The following E2F7 variants were observed in gnomAD, a reference collection of about 807,000 sequenced individuals.
E2F7 encodes transcription factor E2F7.
In E2F7, 35 loss-of-function variants were observed where a neutral mutation model predicts 81.1. That is an observed-to-expected ratio of 0.43 (90% confidence interval 0.33 to 0.57). The LOEUF is 0.57. Among genes scored for constraint, E2F7 ranks in the 20% least tolerant of loss-of-function variants. The probability of loss-of-function intolerance (pLI) is 0.04; values close to 1 mark genes in which losing one functional copy is unlikely to be tolerated. For missense variants in E2F7, 961 were observed against 1,093.7 expected (o/e 0.88, Z 1.71); for synonymous variants, 416 against 416.2 (o/e 1.00, Z 0.01).
intron 4 of E2F7, among the ~76,000 whole-genome samples, chr12:77,047,315 G>A (rs149590031): frequency 4.2e-3 from 642 of 152,238 alleles, no homozygotes; most frequent in Admixed American, 6.3e-3. Context: ...ATAATAATGA[G>A]GATGAAATGT....
At chr12:77,046,747 A>G (rs1412753773) in intron 4 of E2F7, among the ~76,000 whole-genome samples, 1 of 152,226 alleles carries the variant, frequency 6.6e-6, no homozygotes, top group Non-Finnish European at 1.5e-5. Flanking sequence ...TATGCAGACT[A>G]CAAAATCAAC....
rs182535888 is a variant in E2F7, at chr12:77,042,920, A to C, written c.1123+145T>G. On this transcript the variant is annotated intron_variant, in intron 7 of 12. Coordinates refer to ENST00000322886, the MANE Select transcript of E2F7 (RefSeq NM_203394.3). ...CATGCACAATTTGTAGGCTAATGTTAACTGTTCCAAGAGTGGAGTCACTAG... is the reference window on the plus strand; with the variant it reads ...CATGCACAATTTGTAGGCTAATGTTCACTGTTCCAAGAGTGGAGTCACTAG... 5.2e-4 allele frequency: 660 copies of C among 1,276,632 alleles called. 4 individuals carry two copies. The African/African-American group carries it at 8.9e-3, about 17-fold the overall frequency. The allele number at this position is 1,276,632 out of a possible 1,614,324, so 79.1% of individuals were successfully genotyped here.
At chr12:77,029,497 C>A (rs936146609) in intron 10 of E2F7, among the ~76,000 whole-genome samples, 16 of 152,140 alleles carry the variant, frequency 1.1e-4, no homozygotes, top group Admixed American at 2.0e-4. Context: ...TTTCAGTGAT[C>A]CTAATTTGTT....
Position 77,023,994 on chromosome 12 carries a change from C to G in E2F7, c.*21G>C, listed in dbSNP as rs1354082547. ...GACTCTCAGGGCGTTTGATCCCACC[C>G]CCACCTGGCAAAGCGGCAGGTTAGT... On this transcript the variant is annotated 3_prime_UTR_variant, in exon 13 of 13. Transcript: ENST00000322886. The G allele has an allele frequency of 1.9e-6, 3 of 1,611,322 alleles. No homozygotes were observed. Among genetic ancestry groups the G allele is most frequent in the Non-Finnish European group, 2.5e-6 (3 of 1,179,208 alleles).
At chr12:77,032,622 G>C (rs577454180) in intron 9 of E2F7, among the ~76,000 whole-genome samples, 1 of 152,230 alleles carries the variant, frequency 6.6e-6, no homozygotes, top group Non-Finnish European at 1.5e-5. Flanking sequence ...TGTAAAATGA[G>C]GGTAATACCT....
At chr12:77,047,604 T>A (rs1195910072) in intron 4 of E2F7, among the ~76,000 whole-genome samples, 2 of 152,234 alleles carry the variant, frequency 1.3e-5, no homozygotes, top group East Asian at 3.8e-4. Flanking sequence ...CAGGGCAGAC[T>A]CTGAATGTAG....
At chr12:77,035,665 C>T (rs1436997192) in intron 7 of E2F7, among the ~76,000 whole-genome samples, 2 of 152,086 alleles carry the variant, frequency 1.3e-5, no homozygotes, top group African/African-American at 4.8e-5. Context: ...ATGTCTATCA[C>T]CTAATAATGT....
chr12:77,050,076 G>C (rs1006740973), intron 4 of E2F7, among the ~76,000 whole-genome samples: 1 of 152,078 alleles, frequency 6.6e-6, no homozygotes, highest in East Asian at 1.9e-4. Context: ...TTAGTTGTTT[G>C]AGTTATGTCC....
At chr12:77,048,381 T>C (rs1454046104) in intron 4 of E2F7, among the ~76,000 whole-genome samples, 5 of 152,234 alleles carry the variant, frequency 3.3e-5, no homozygotes, top group Non-Finnish European at 7.3e-5. Flanking sequence ...ATTTTTGCTA[T>C]GCTTCCCTTA....
intron 8 of E2F7, among the ~76,000 whole-genome samples, chr12:77,033,349 C>CA (rs1954821663): frequency 6.6e-6 from 1 of 151,810 alleles, no homozygotes; most frequent in Non-Finnish European, 1.5e-5. Flanking sequence ...CCCGTCTCTA[C>CA]AAAAAACGAA....
intron 2 of E2F7, among the ~76,000 whole-genome samples, chr12:77,063,909 T>C (rs1206131147): frequency 6.6e-6 from 1 of 152,248 alleles, no homozygotes; most frequent in South Asian, 2.1e-4. Flanking sequence ...AATGCTCAGA[T>C]AGTTTAGACA....
At chr12:77,046,423 G>A in intron 4 of E2F7, 95 bp from the exon 5 acceptor site, 1 of 1,353,210 alleles carries the variant, frequency 7.4e-7, no homozygotes, top group Non-Finnish European at 1.0e-6. Context: ...GAACTACTTT[G>A]TCTGATCCCC....
chr12:77,065,231 C>T (rs937373074), intron 1 of E2F7, 114 bp downstream of exon 1: 1 of 152,304 alleles, frequency 6.6e-6, no homozygotes, highest in African/African-American at 2.4e-5. Flanking sequence ...GCAGAAACAC[C>T]TCGAGCCCTC....
chr12:77,033,976 A>T lies in E2F7; in HGVS notation c.1190T>A (p.Ile397Asn). The T allele has an allele frequency of 3.7e-6, 6 of 1,614,206 alleles. No individual in the cohort carries two copies. In the African/African-American group the frequency reaches 5.3e-5, roughly 14 times the overall value. ...CAGCTTCTGTTTTGCACAGACTTGA[A>T]TCTGGCCATATGTTTCTCTTTTCAA... ...PELKRETYGQ[I>N]QVCAKQKLAR... Residue 397 changes from isoleucine to asparagine, a missense_variant, in exon 8 of 13, where the codon ATT (isoleucine) becomes AAT (asparagine). Ile to Asn is a moderately radical substitution (Grantham distance 149). Around this residue, in one of 3 missense-constraint regions of E2F7, gnomAD observed 587 missense variants for 620.3 expected, o/e 0.95. Coordinates refer to ENST00000322886, the MANE Select transcript of E2F7 (RefSeq NM_203394.3).
At chr12:77,035,865 C>A (rs1363558286) in intron 7 of E2F7, among the ~76,000 whole-genome samples, 1 of 150,308 alleles carries the variant, frequency 6.7e-6, no homozygotes, top group African/African-American at 2.4e-5. Flanking sequence ...TTAGAGACAT[C>A]AAAAATATAA....
At chr12:77,044,161 G>T in intron 6 of E2F7, 1 of 365,872 alleles carries the variant, frequency 2.7e-6, no homozygotes, top group South Asian at 2.1e-5. Context: ...GACAGAAAAG[G>T]AGGATGCACT....
At chr12:77,041,971 T>C (rs541933111) in intron 7 of E2F7, among the ~76,000 whole-genome samples, 5 of 152,240 alleles carry the variant, frequency 3.3e-5, no homozygotes, top group Non-Finnish European at 5.9e-5. Context: ...AGCACAATAC[T>C]CAATTGCAGT....
In E2F7 at chr12:77,051,850, G is replaced by A. The variant is rs1363444023; in HGVS notation, c.370-1106C>T. Among the ~76,000 whole-genome samples, 6 of 152,160 alleles carry A rather than the reference G, an allele frequency of 3.9e-5. No individual in the cohort carries two copies. In the South Asian group the frequency reaches 6.2e-4, roughly 16 times the overall value. On this transcript the variant is annotated intron_variant, in intron 3 of 12. Coordinates refer to ENST00000322886, the MANE Select transcript of E2F7 (RefSeq NM_203394.3). The stretch of plus-strand genomic sequence containing the variant: ...ACACGAAAAAGAAACTGAGGCACAG[G>A]GACTGGAAAGTAATCAGCTACTTTC...
At chr12:77,031,388 C>A (rs1211519709) in intron 9 of E2F7, among the ~76,000 whole-genome samples, 2 of 152,166 alleles carry the variant, frequency 1.3e-5, no homozygotes, top group Admixed American at 6.5e-5. Context: ...CGCCTGTAAT[C>A]CCAGCACTTT....
Sources: allele counts gnomAD v4.1 joint callset (sites outside exome capture counted in the v4.1 genomes callset), GRCh38; gene constraint gnomAD v4.1.1; regional missense constraint gnomAD v4.1.1; transcripts MANE v1.5; gene names NCBI Gene and HGNC (gene_info 2026-07-23, HGNC 2026-07-21).